CHRM3: variants seen among roughly 807,000 people sequenced by gnomAD.
CHRM3 encodes muscarinic acetylcholine receptor M3.
CHRM3 carries 11 observed loss-of-function variants against 41.8 expected under a neutral mutation model. That is an observed-to-expected ratio of 0.26 (90% CI 0.17 to 0.44). The LOEUF is 0.44. Among genes scored for constraint, CHRM3 ranks in the 20% least tolerant of loss-of-function variants. The pLI is 1.00. For synonymous variants in CHRM3, 297 were observed against 301.4 expected (o/e 0.99, Z 0.15); for missense variants, 571 against 745.4 (o/e 0.77, Z 2.72).
chr1:239,456,196 G>C (rs1664921243), intron 1 of CHRM3, among the ~76,000 whole-genome samples: 2 of 152,184 alleles, frequency 1.3e-5, no homozygotes, highest in East Asian at 1.9e-4. Context: ...CCAGCAGAAG[G>C]GTCAATTTCT....
intron 3 of CHRM3, among the ~76,000 whole-genome samples, chr1:239,630,922 A>G (rs1669748316): frequency 6.6e-6 from 1 of 151,962 alleles, no homozygotes; most frequent in Non-Finnish European, 1.5e-5. Flanking sequence ...GGGGAAGGAG[A>G]TCTTGGGAGA....
At chr1:239,414,789 T>G (rs1661368615) in intron 1 of CHRM3, among the ~76,000 whole-genome samples, 1 of 152,232 alleles carries the variant, frequency 6.6e-6, no homozygotes, top group Non-Finnish European at 1.5e-5. Context: ...TTCTAGTTTG[T>G]GAAAAACCAC....
chr1:239,427,150 A>G (rs1662454229), intron 1 of CHRM3, among the ~76,000 whole-genome samples: 1 of 152,178 alleles, frequency 6.6e-6, no homozygotes, highest in Admixed American at 6.5e-5. Flanking sequence ...TGTGGTAGTA[A>G]TTAAAGCTGA....
intron 6 of CHRM3, among the ~76,000 whole-genome samples, chr1:239,886,841 G>A (rs1188855378): frequency 1.3e-5 from 2 of 152,156 alleles, no homozygotes; most frequent in East Asian, 1.9e-4. Flanking sequence ...TGTGAACCAC[G>A]TTTTGCCAGA....
intron 5 of CHRM3, among the ~76,000 whole-genome samples, chr1:239,766,291 G>A (rs1480671028): frequency 6.6e-6 from 1 of 152,128 alleles, no homozygotes; most frequent in Non-Finnish European, 1.5e-5. Context: ...AAGAAAAGCA[G>A]TCCATGCATC....
intron 5 of CHRM3, among the ~76,000 whole-genome samples, chr1:239,819,999 G>A (rs995307065): frequency 5.3e-5 from 8 of 152,144 alleles, no homozygotes; most frequent in African/African-American, 1.9e-4. Flanking sequence ...GTGAGAAGGT[G>A]GGTGAGGTCA....
chr1:239,484,094 CT>C (rs1465848288), intron 1 of CHRM3, among the ~76,000 whole-genome samples: 3 of 152,244 alleles, frequency 2.0e-5, no homozygotes, highest in Non-Finnish European at 4.4e-5. Context: ...TGTATTCGTT[CT>C]TTCTTGTGTT....
intron 6 of CHRM3, among the ~76,000 whole-genome samples, chr1:239,862,221 C>G (rs1675698017): frequency 6.6e-6 from 1 of 152,194 alleles, no homozygotes; most frequent in Non-Finnish European, 1.5e-5. Context: ...TCAATGATTA[C>G]ACAGACTTGT....
chr1:239,479,968 G>C (rs1666724005), intron 1 of CHRM3, among the ~76,000 whole-genome samples: 1 of 152,180 alleles, frequency 6.6e-6, no homozygotes, highest in Non-Finnish European at 1.5e-5. Context: ...ATTGTGCTAT[G>C]ATGTTACAAA....
At chr1:239,415,156 A>G (rs1179655584) in intron 1 of CHRM3, among the ~76,000 whole-genome samples, 1 of 152,208 alleles carries the variant, frequency 6.6e-6, no homozygotes, top group Non-Finnish European at 1.5e-5. Context: ...CATGATACTT[A>G]AAAATATTCC....
At chr1:239,568,945 C>A (rs1267192111) in intron 3 of CHRM3, among the ~76,000 whole-genome samples, 1 of 152,178 alleles carries the variant, frequency 6.6e-6, no homozygotes, top group Non-Finnish European at 1.5e-5. Flanking sequence ...ATGCCTACCT[C>A]TCAATATCTC....
chr1:239,846,263 T>A (rs1354748432), intron 6 of CHRM3, among the ~76,000 whole-genome samples: 1 of 152,186 alleles, frequency 6.6e-6, no homozygotes, highest in Non-Finnish European at 1.5e-5. Context: ...GAAAGGCCTA[T>A]AACAAAAATT....
intron 5 of CHRM3, among the ~76,000 whole-genome samples, chr1:239,785,210 C>T (rs543617984): frequency 6.6e-6 from 1 of 152,210 alleles, no homozygotes; most frequent in East Asian, 1.9e-4. Context: ...GCAATTGCTC[C>T]CCTATAAAAG....
intron 1 of CHRM3, among the ~76,000 whole-genome samples, chr1:239,419,497 A>AT (rs1661768007): frequency 6.6e-6 from 1 of 151,894 alleles, no homozygotes; most frequent in South Asian, 2.1e-4. Context: ...TTGTGACAAT[A>AT]TGTACAATTG....
At position 239,793,803 on chromosome 1, in the gene CHRM3, A is replaced by ATTTTTTTTTTTTT. The variant is rs67460907; in HGVS notation, c.-146-33436_-146-33424dup. Among the ~76,000 whole-genome samples, 58 of 69,496 alleles carry ATTTTTTTTTTTTT rather than the reference A, an allele frequency of 8.3e-4. 5 individuals are homozygous for ATTTTTTTTTTTTT. Among genetic ancestry groups the ATTTTTTTTTTTTT allele is most frequent in the South Asian group, 2.0e-3 (3 of 1,526 alleles). 45.6% of individuals were successfully genotyped at this position (69,496 alleles called of 152,430 possible). ...TGAACTTGTCAGAAATGAAATGTGT[A>ATTTTTTTTTTTTT]TTTTTTTTTTTTTTTTTTTTTTTTT... is the stretch of plus-strand genomic sequence containing the variant. On this transcript the variant is annotated intron_variant, in intron 5 of 6. Transcript: ENST00000676153.
chr1:239,702,954 A>C (rs1660821425), intron 5 of CHRM3, among the ~76,000 whole-genome samples: 1 of 152,170 alleles, frequency 6.6e-6, no homozygotes, highest in South Asian at 2.1e-4. Context: ...TAATATTTTT[A>C]AGTGCTTCAC....
intron 3 of CHRM3, chr1:239,546,399 T>C (rs1305428485): frequency 3.3e-5 from 5 of 152,120 alleles, no homozygotes; most frequent in Non-Finnish European, 7.4e-5. Flanking sequence ...GATGTGAAAT[T>C]ATTAGCTAAC....
intron 1 of CHRM3, among the ~76,000 whole-genome samples, chr1:239,401,347 C>T (rs371220973): frequency 6.6e-6 from 1 of 152,192 alleles, no homozygotes; most frequent in African/African-American, 2.4e-5. Context: ...ACTCTCCACC[C>T]TGCTTCTCTG....
intron 5 of CHRM3, among the ~76,000 whole-genome samples, chr1:239,745,326 G>A (rs1419249669): frequency 6.6e-6 from 1 of 152,060 alleles, no homozygotes; most frequent in African/African-American, 2.4e-5. Context: ...TCCATGGGGA[G>A]ATGTTGAGGA....
Sources: gnomAD v4.1 joint callset for allele counts (sites outside exome capture counted in the v4.1 genomes callset) on GRCh38, gnomAD v4.1.1 for gene constraint, MANE v1.5 for transcripts, NCBI Gene and HGNC (gene_info 2026-07-23, HGNC 2026-07-21) for gene names.